The following SMYD3 variants were observed in gnomAD, a reference collection of about 807,000 sequenced individuals.
The protein encoded by SMYD3 is histone-lysine N-methyltransferase SMYD3.
In SMYD3, 36 loss-of-function variants were observed where a neutral mutation model predicts 57.7. The observed-to-expected ratio is 0.62, with a 90% CI of 0.48 to 0.82. The LOEUF is 0.82. Among genes scored for constraint, SMYD3 ranks in the 40% least tolerant of loss-of-function variants. The pLI is 0.00. For missense variants in SMYD3, 515 were observed against 538.8 expected, an observed-to-expected ratio of 0.96 and a Z score of 0.44; for synonymous variants, 211 against 195.0, an observed-to-expected ratio of 1.08 and a Z score of -0.68.
At chr1:246,261,077 G>C (rs1186424120) in intron 5 of SMYD3, among the ~76,000 whole-genome samples, 1 of 151,180 alleles carries the variant, frequency 6.6e-6, no homozygotes, top group African/African-American at 2.4e-5. Context: ...TTGTTTATTT[G>C]AGACGGCGTC....
intron 10 of SMYD3, among the ~76,000 whole-genome samples, chr1:245,766,403 A>T (rs2046104368): frequency 2.3e-5 from 1 of 44,094 alleles, no homozygotes; most frequent in Non-Finnish European, 3.2e-5. Flanking sequence ...TCTGTCTTAA[A>T]AAAAAAAAAA....
intron 5 of SMYD3, among the ~76,000 whole-genome samples, chr1:245,948,425 C>A (rs911694258): frequency 2.0e-4 from 31 of 152,080 alleles, no homozygotes; most frequent in Admixed American, 7.9e-4. Flanking sequence ...GTGAGAGATG[C>A]CCAGCCGTCC....
In SMYD3 at chr1:246,203,553, C is replaced by A. The variant is rs908174085; in HGVS notation, c.531+123648G>T. ...GCCACTGTCTTGCTGCCTCCTGACA[C>A]GGCAGTCCCTCTGCGCACATGTGCT... is the stretch of plus-strand genomic sequence containing the variant. On this transcript the variant is annotated intron_variant, in intron 5 of 11. Coordinates refer to ENST00000490107, the MANE Select transcript of SMYD3 (RefSeq NM_001167740.2). This position sits in a 1 kb window ranked among gnomAD's most constrained non-coding sequence, Gnocchi z 4.6. 6.6e-6 allele frequency among the ~76,000 whole-genome samples: 1 copy of A among 152,208 alleles called. No individual in the cohort carries two copies. The highest frequency in any genetic ancestry group is 1.5e-5 in the Non-Finnish European group (1 of 68,036).
In SMYD3 at chr1:246,397,966, GAAC is replaced by G. The variant is rs138419781; in HGVS notation, c.165-42875_165-42873del. On this transcript the variant is annotated intron_variant, in intron 1 of 11. Coordinates refer to ENST00000490107, the MANE Select transcript of SMYD3 (RefSeq NM_001167740.2). ...AGGAGAGGGGAGGGGAGGGGAGAAA[GAAC>G]AACAACAACAACAACAAGACTGGTT... 6.7e-3 allele frequency among the ~76,000 whole-genome samples: 1,004 copies of G among 150,058 alleles called. 19 individuals are homozygous for G. Among genetic ancestry groups the G allele is most frequent in the African/African-American group, 0.023 (934 of 40,980 alleles).
intron 10 of SMYD3, among the ~76,000 whole-genome samples, chr1:245,783,722 T>G (rs2046926375): frequency 6.6e-6 from 1 of 152,154 alleles, no homozygotes; most frequent in South Asian, 2.1e-4. Context: ...CCCACGTAAA[T>G]TAATTATATA....
chr1:245,772,928 T>C (rs947998839), intron 10 of SMYD3, among the ~76,000 whole-genome samples: 1 of 151,952 alleles, frequency 6.6e-6, no homozygotes, highest in Non-Finnish European at 1.5e-5. Context: ...TCACAACTAA[T>C]GTGATAAGAG....
At chr1:246,439,107 G>A (rs1215214710) in intron 1 of SMYD3, among the ~76,000 whole-genome samples, 2 of 29,160 alleles carry the variant, frequency 6.9e-5, no homozygotes, top group Non-Finnish European at 1.8e-4. Flanking sequence ...GTTATTTTCG[G>A]GGGGGGGGGT....
intron 5 of SMYD3, among the ~76,000 whole-genome samples, chr1:246,226,336 T>A (rs532603823): frequency 0.059 from 8,995 of 152,270 alleles, 426 homozygotes; most frequent in African/African-American, 0.12. Context: ...TTTGCATGAG[T>A]TAAATATCAT....
intron 5 of SMYD3, among the ~76,000 whole-genome samples, chr1:246,093,308 C>T (rs2060853248): frequency 6.6e-6 from 1 of 152,142 alleles, no homozygotes; most frequent in African/African-American, 2.4e-5. Flanking sequence ...CAAAGAGATA[C>T]CTGCACTCTC....
chr1:246,158,638 G>A (rs933770276), intron 5 of SMYD3, among the ~76,000 whole-genome samples: 4 of 151,960 alleles, frequency 2.6e-5, no homozygotes, highest in Non-Finnish European at 4.4e-5. Flanking sequence ...CACATAATAC[G>A]TGCTCAATTT....
At chr1:245,749,804 C>A in intron 11 of SMYD3, 140 bp from the exon 12 acceptor site, 1 of 600,146 alleles carries the variant, frequency 1.7e-6, no homozygotes, top group Non-Finnish European at 2.9e-6. Context: ...GCTTACAGCA[C>A]TGTGGTTCTC....
chr1:246,335,335 A>G (rs373803932), intron 3 of SMYD3, 32 bp downstream of exon 3: 1 of 1,591,482 alleles, frequency 6.3e-7, no homozygotes, highest in South Asian at 1.1e-5. Flanking sequence ...TTTAACCAAA[A>G]CCCAGCTATA....
At chr1:245,962,966 G>A (rs539892723) in intron 5 of SMYD3, among the ~76,000 whole-genome samples, 45 of 152,218 alleles carry the variant, frequency 3.0e-4, no homozygotes, top group African/African-American at 1.1e-3. Context: ...GAGACCACTG[G>A]ATTGCCGTGC....
At chr1:246,367,540 C>T (rs1240986154) in intron 1 of SMYD3, among the ~76,000 whole-genome samples, 1 of 152,178 alleles carries the variant, frequency 6.6e-6, no homozygotes, top group Non-Finnish European at 1.5e-5. Context: ...TGAAGCAATT[C>T]TTATGCCTCA....
intron 10 of SMYD3, among the ~76,000 whole-genome samples, chr1:245,779,176 A>AAG (rs1553319530): frequency 0.015 from 2,091 of 143,704 alleles, 49 homozygotes; most frequent in African/African-American, 0.052. Flanking sequence ...AAAAAAAAAA[A>AAG]AAAAAGAAAA....
intron 5 of SMYD3, among the ~76,000 whole-genome samples, chr1:246,322,905 GTAA>G (rs769268295): frequency 6.6e-6 from 1 of 152,122 alleles, no homozygotes; most frequent in Non-Finnish European, 1.5e-5. Context: ...TAACTCTACT[GTAA>G]TTACTAAATA....
chr1:245,786,909 A>G (rs1236311325), intron 10 of SMYD3, among the ~76,000 whole-genome samples: 1 of 152,190 alleles, frequency 6.6e-6, no homozygotes, highest in African/African-American at 2.4e-5. Context: ...ATCAAAGAAA[A>G]TTGAGAAATA....
intron 1 of SMYD3, among the ~76,000 whole-genome samples, chr1:246,387,395 T>C (rs930409783): frequency 2.6e-5 from 4 of 152,380 alleles, no homozygotes; most frequent in South Asian, 2.1e-4. Context: ...TACCTCACAG[T>C]TGGCCCTCAA....
chr1:245,834,960 A>AG (rs1351368723), intron 10 of SMYD3, among the ~76,000 whole-genome samples: 1 of 152,118 alleles, frequency 6.6e-6, no homozygotes, highest in Non-Finnish European at 1.5e-5. Flanking sequence ...GGCCTTTTCC[A>AG]TTATATGAGA....
Sources: allele counts gnomAD v4.1 joint callset (sites outside exome capture counted in the v4.1 genomes callset), GRCh38; gene constraint gnomAD v4.1.1; non-coding constraint Gnocchi (gnomAD v3.1); transcripts MANE v1.5; gene names NCBI Gene and HGNC (gene_info 2026-07-23, HGNC 2026-07-21).